ACAP2: variants seen among roughly 807,000 people sequenced by gnomAD.
ACAP2 encodes arf-GAP with coiled-coil, ANK repeat and PH domain-containing protein 2.
Under a neutral mutation model 115.8 loss-of-function variants are expected in ACAP2, and 39 were observed. That is an observed-to-expected ratio of 0.34 (90% CI 0.26 to 0.44). The LOEUF is 0.44. Ranked by LOEUF, ACAP2 falls within the 20% of genes least tolerant of loss-of-function variation. The probability of loss-of-function intolerance (pLI) is 1.00; values close to 1 mark genes in which losing one functional copy is unlikely to be tolerated. For missense variants in ACAP2, 662 were observed against 927.6 expected (o/e 0.71, Z 3.72); for synonymous variants, 289 against 315.8 (o/e 0.92, Z 0.90).
chr3:195,382,224 T>C (rs1336991429), intron 2 of ACAP2, among the ~76,000 whole-genome samples: 1 of 152,172 alleles, frequency 6.6e-6, no homozygotes, highest in Non-Finnish European at 1.5e-5. Flanking sequence ...ACCAGAAAAG[T>C]TGACCATTTA....
At chr3:195,355,721 C>A (rs116827732) in intron 4 of ACAP2, among the ~76,000 whole-genome samples, 1 of 152,296 alleles carries the variant, frequency 6.6e-6, no homozygotes, top group African/African-American at 2.4e-5. Context: ...AAAGCTAAGA[C>A]GCACTTCAAA....
chr3:195,357,722 T>C lies in ACAP2; in HGVS notation c.286-12405A>G, dbSNP rs560412174. On this transcript the variant is annotated intron_variant, in intron 4 of 22. Coordinates refer to ENST00000326793, the MANE Select transcript of ACAP2 (RefSeq NM_012287.6). ...ATCCAGAGAATTCTTCCAGATGTTA[T>C]CCAAGACCACAGTATTAGTCCATTC... The C allele has an allele frequency of 2.0e-5, 3 of 152,322 alleles. No homozygotes were observed. The South Asian group carries it at 6.2e-4, about 32-fold the overall frequency. The allele number at this position is 152,322 out of a possible 1,614,324, so 9.4% of individuals were successfully genotyped here.
intron 2 of ACAP2, among the ~76,000 whole-genome samples, chr3:195,390,659 C>T (rs1577402128): frequency 6.6e-6 from 1 of 152,162 alleles, no homozygotes; most frequent in African/African-American, 2.4e-5. Flanking sequence ...GCTACTGAAT[C>T]AGAATCTGTT....
At chr3:195,356,208 A>G (rs1241480736) in intron 4 of ACAP2, 12 of 456,464 alleles carry the variant, frequency 2.6e-5, no homozygotes, top group Non-Finnish European at 5.3e-5. Context: ...GAGCACAGCA[A>G]CTGTGGGACT....
chr3:195,361,467 A>T (rs554132819), intron 4 of ACAP2, among the ~76,000 whole-genome samples: 211 of 151,896 alleles, frequency 1.4e-3, no homozygotes, highest in Non-Finnish European at 2.6e-3. Flanking sequence ...TAAAAAATTT[A>T]TTGAAGCAAA....
chr3:195,418,560 T>TA (rs1713922996), intron 1 of ACAP2, among the ~76,000 whole-genome samples: 2 of 152,134 alleles, frequency 1.3e-5, no homozygotes, highest in South Asian at 4.1e-4. Context: ...GCCTCTCAGG[T>TA]AGCTGGGACT....
intron 1 of ACAP2, chr3:195,442,313 G>A (rs1716065653): frequency 6.4e-6 from 1 of 156,814 alleles, no homozygotes; most frequent in Non-Finnish European, 1.4e-5. Flanking sequence ...GGGGAAGGGG[G>A]GCAGAAAAGC....
intron 4 of ACAP2, among the ~76,000 whole-genome samples, chr3:195,367,273 G>A (rs1732793181): frequency 4.6e-5 from 7 of 152,174 alleles, no homozygotes; most frequent in Admixed American, 4.6e-4. Context: ...CCCAGATGGT[G>A]CTGATGCTGC....
At chr3:195,429,963 G>T (rs903589855) in intron 1 of ACAP2, among the ~76,000 whole-genome samples, 4 of 152,176 alleles carry the variant, frequency 2.6e-5, no homozygotes, top group African/African-American at 9.7e-5. Context: ...ACTGGATAAT[G>T]AGGGGTCATT....
intron 1 of ACAP2, among the ~76,000 whole-genome samples, chr3:195,423,506 C>T (rs2108838533): frequency 6.6e-6 from 1 of 151,794 alleles, no homozygotes; most frequent in East Asian, 1.9e-4. Context: ...GCCTGTAATC[C>T]CAGCTACTTG....
At chr3:195,327,189 T>C (rs1729853329) in intron 8 of ACAP2, among the ~76,000 whole-genome samples, 1 of 152,158 alleles carries the variant, frequency 6.6e-6, no homozygotes, top group South Asian at 2.1e-4. Context: ...AGAACAGTCA[T>C]GGTGCCATAC....
At chr3:195,388,802 A>G (rs1577399055) in intron 2 of ACAP2, among the ~76,000 whole-genome samples, 1 of 152,196 alleles carries the variant, frequency 6.6e-6, no homozygotes, top group Non-Finnish European at 1.5e-5. Flanking sequence ...CGGGCAGATC[A>G]CCTGAGGTTA....
intron 1 of ACAP2, among the ~76,000 whole-genome samples, chr3:195,431,293 C>A (rs1009860558): frequency 6.6e-6 from 1 of 152,118 alleles, no homozygotes; most frequent in African/African-American, 2.4e-5. Flanking sequence ...TGTACGGACA[C>A]AGGTTGTTTC....
Position 195,388,233 on chromosome 3 carries a change from T to C in ACAP2, c.111+3857A>G, listed in dbSNP as rs536403212. On this transcript the variant is annotated intron_variant, in intron 2 of 22. Coordinates refer to ENST00000326793, the MANE Select transcript of ACAP2 (RefSeq NM_012287.6). ...AAATCAGAGTACATGCAAGAAACAA[T>C]GCAACAGAAGAAAAAGAGCCAACAT... Among the ~76,000 whole-genome samples the C allele has an allele frequency of 6.6e-5, 10 of 152,236 alleles. No homozygotes were observed. The South Asian group carries it at 1.7e-3, about 25-fold the overall frequency.
At chr3:195,296,168 T>C (rs1727645461) in intron 16 of ACAP2, among the ~76,000 whole-genome samples, 1 of 152,200 alleles carries the variant, frequency 6.6e-6, no homozygotes, top group Middle Eastern at 3.4e-3. Flanking sequence ...TTCTGTGCTA[T>C]TCATTTCTAT....
intron 12 of ACAP2, 177 bp from the exon 13 acceptor site, chr3:195,306,793 A>AT: frequency 2.2e-6 from 1 of 455,558 alleles, no homozygotes; most frequent in Non-Finnish European, 3.8e-6. Flanking sequence ...TAACGAAGAA[A>AT]TTAAGGTGCC....
Position 195,359,763 on chromosome 3 carries a change from G to A in ACAP2, c.286-14446C>T, listed in dbSNP as rs146133235. Among the ~76,000 whole-genome samples the A allele has an allele frequency of 5.9e-5, 9 of 152,272 alleles. No homozygotes were observed. In the East Asian group the frequency reaches 1.7e-3, roughly 29 times the overall value. On this transcript the variant is annotated intron_variant, in intron 4 of 22. Transcript: ENST00000326793. ...ATTACAGGCGTGAGCCATCGCGCCT[G>A]GCCTAAAGTACTGTGTTTTTATTAG...
rs375974565 is a variant in ACAP2, at chr3:195,302,118, G to A, written c.1173C>T (p.Ser391=). Residue 391 remains serine, a synonymous_variant, in exon 14 of 23, where the codon TCC becomes TCT. Transcript: ENST00000326793. The part of the protein sequence containing the change: ...STGSLDSGNE[S]KEKLLKGESA... ...TTTCTCCTTTCAATAATTTCTCTTT[G>A]GACTCATTTCCAGAATCTAGGCTTC... The A allele has an allele frequency of 3.7e-6, 6 of 1,613,876 alleles. No homozygotes were observed. The highest frequency in any genetic ancestry group is 5.1e-6 in the Non-Finnish European group (6 of 1,180,006).
At chr3:195,292,537 T>G in intron 18 of ACAP2, 85 bp from the exon 19 acceptor site, 2 of 1,359,902 alleles carry the variant, frequency 1.5e-6, no homozygotes, top group Non-Finnish European at 1.0e-6. Flanking sequence ...GTTTCAGTTT[T>G]GCAAGATAAA....
Sources: gnomAD v4.1 joint callset for allele counts (sites outside exome capture counted in the v4.1 genomes callset) on GRCh38, gnomAD v4.1.1 for gene constraint, MANE v1.5 for transcripts, NCBI Gene and HGNC (gene_info 2026-07-23, HGNC 2026-07-21) for gene names.